The following SETX variants were observed in gnomAD, a reference collection of about 807,000 sequenced individuals.
The protein encoded by SETX is senataxin.
Under a neutral mutation model 227.2 loss-of-function variants are expected in SETX, and 90 were observed. That is an observed-to-expected ratio of 0.40 (90% CI 0.33 to 0.47). The LOEUF is 0.47. SETX is among the 20% of genes least tolerant of loss of function. SETX has a pLI of 0.91. For missense variants in SETX, 3,052 were observed against 3,181.5 expected, an observed-to-expected ratio of 0.96 and a Z score of 0.98; for synonymous variants, 1,210 against 1,113.2, an observed-to-expected ratio of 1.09 and a Z score of -1.73.
chr9:132,352,594 T>C (rs980604411), intron 2 of SETX, among the ~76,000 whole-genome samples: 1 of 152,068 alleles, frequency 6.6e-6, no homozygotes, highest in Admixed American at 6.5e-5. Flanking sequence ...CTACTAAAAA[T>C]ATAAAAATTA....
At chr9:132,323,317 A>G (rs1301342735) in intron 10 of SETX, among the ~76,000 whole-genome samples, 2 of 152,248 alleles carry the variant, frequency 1.3e-5, no homozygotes, top group African/African-American at 4.8e-5. Flanking sequence ...AGTGATAAGT[A>G]GAAAATTAAA....
intron 11 of SETX, among the ~76,000 whole-genome samples, chr9:132,308,538 T>C (rs150315346): frequency 6.6e-4 from 100 of 152,348 alleles, no homozygotes; most frequent in African/African-American, 2.2e-3. Flanking sequence ...TGTTATGAGA[T>C]AACTGAAAAT....
At chr9:132,306,468 T>G (rs1845341693) in intron 11 of SETX, among the ~76,000 whole-genome samples, 1 of 152,166 alleles carries the variant, frequency 6.6e-6, no homozygotes, top group Non-Finnish European at 1.5e-5. Context: ...AGCCTTGGCC[T>G]CCCAAAGTGC....
At position 132,264,212 on chromosome 9, in the gene SETX, G is replaced by A. The variant is rs1232864891; in HGVS notation, c.*27C>T. ...CATCTTCAGTTTACAATATGCTGTG[G>A]CTGCTGGCCCATGTCACTGGGCTTT... On this transcript the variant is annotated 3_prime_UTR_variant, in exon 26 of 26. Coordinates refer to ENST00000224140, the MANE Select transcript of SETX (RefSeq NM_015046.7). The A allele has an allele frequency of 1.9e-6, 3 of 1,613,268 alleles. No homozygotes were observed. The highest frequency in any genetic ancestry group is 2.5e-6 in the Non-Finnish European group (3 of 1,180,000).
At chr9:132,298,509 G>C (rs1457044619) in intron 12 of SETX, among the ~76,000 whole-genome samples, 197 bp from the exon 13 acceptor site, 1 of 152,136 alleles carries the variant, frequency 6.6e-6, no homozygotes, top group Non-Finnish European at 1.5e-5. Flanking sequence ...AGAAGATGGA[G>C]GCAGATAACC....
intron 23 of SETX, 98 bp downstream of exon 23, chr9:132,275,158 C>A: frequency 7.4e-7 from 1 of 1,353,528 alleles, no homozygotes; most frequent in East Asian, 2.3e-5. Context: ...CCAATTTGCA[C>A]AGACCACTCC....
chr9:132,349,746 A>C (rs1848508045), intron 2 of SETX, among the ~76,000 whole-genome samples: 1 of 152,218 alleles, frequency 6.6e-6, no homozygotes, highest in Non-Finnish European at 1.5e-5. Flanking sequence ...AGAGACCCAG[A>C]CTTACCAATA....
intron 23 of SETX, among the ~76,000 whole-genome samples, chr9:132,272,087 G>T (rs1468999914): frequency 6.6e-6 from 1 of 151,834 alleles, no homozygotes. Context: ...TTTCACTGTG[G>T]TCTCCATCTC....
At chr9:132,320,593 CAAAAAAAA>C (rs141457619) in intron 10 of SETX, among the ~76,000 whole-genome samples, 1 of 61,068 alleles carries the variant, frequency 1.6e-5, no homozygotes, top group Non-Finnish European at 2.9e-5. Context: ...GACTCCAACT[CAAAAAAAA>C]AAAAAAAAAA....
chr9:132,331,500 C>A (rs746335116), intron 7 of SETX, 52 bp from the exon 8 acceptor site: 1 of 1,564,646 alleles, frequency 6.4e-7, no homozygotes, highest in Admixed American at 1.7e-5. Flanking sequence ...GAAAAACATA[C>A]TACAATATAT....
chr9:132,316,249 T>C (rs1391480086), intron 10 of SETX, among the ~76,000 whole-genome samples: 1 of 152,240 alleles, frequency 6.6e-6, no homozygotes, highest in Non-Finnish European at 1.5e-5. Flanking sequence ...CATATACTTA[T>C]TACCACCAAG....
At chr9:132,356,602 T>C (rs900456715), upstream of SETX, among the ~76,000 whole-genome samples, 1 of 152,084 alleles carries the variant, frequency 6.6e-6, no homozygotes, top group African/African-American at 2.4e-5. Flanking sequence ...TTAGTAGTGG[T>C]GACTCAGGCG....
In SETX at chr9:132,330,271, C is replaced by T. The variant is rs915069554; in HGVS notation, c.1327G>A (p.Val443Ile). The T allele has an allele frequency of 1.3e-6, 2 of 1,583,770 alleles. No homozygotes were observed. The highest frequency in any genetic ancestry group is 1.4e-5 in the African/African-American group (1 of 74,034). The part of the protein sequence containing the change: ...VNHLYSEVKE[V>I]LNQTDAVCDK... Reference sequence around the variant, plus strand: ...CACACAGCATCTGTTTGGTTGAGGACTTCTTTGACTTCAGAGTACAGATGA... The same window carrying T: ...CACACAGCATCTGTTTGGTTGAGGATTTCTTTGACTTCAGAGTACAGATGA... The change falls in exon 10 of 26, where the codon GTC (valine) becomes ATC (isoleucine). Residue 443 changes from valine to isoleucine, a missense_variant. Coordinates refer to ENST00000224140, the MANE Select transcript of SETX (RefSeq NM_015046.7).
At chr9:132,301,142 G>A (rs1255071551) in intron 11 of SETX, among the ~76,000 whole-genome samples, 2 of 148,304 alleles carry the variant, frequency 1.3e-5, no homozygotes, top group Non-Finnish European at 3.0e-5. Flanking sequence ...GCCCAGGCTG[G>A]AGTGCAGTGG....
chr9:132,283,747 A>G (rs1843671897), intron 18 of SETX, among the ~76,000 whole-genome samples: 1 of 152,242 alleles, frequency 6.6e-6, no homozygotes, highest in African/African-American at 2.4e-5. Context: ...GAGATGTAAT[A>G]ATTCTGAGTT....
intron 21 of SETX, among the ~76,000 whole-genome samples, 170 bp from the exon 22 acceptor site, chr9:132,277,322 ATTTC>A (rs765692300): frequency 1.2e-4 from 18 of 152,268 alleles, no homozygotes; most frequent in Non-Finnish European, 2.1e-4. Context: ...AACAAATTCT[ATTTC>A]TTTCCTGGTG....
chr9:132,330,425 A>G lies in SETX; in HGVS notation c.1173T>C (p.Ser391=), dbSNP rs773176453. The stretch of plus-strand genomic sequence containing the variant: ...CTTGACCAATATCTGACTGAAGTAC[A>G]CTGGCTAATGTTTCCATTTCTTCAT... ...NMYEEMETLA[S]VLQSDIGQDM... is the part of the protein sequence containing the mutation. The change falls in exon 10 of 26, where the codon AGT becomes AGC. Residue 391 remains serine, a synonymous_variant. Coordinates refer to ENST00000224140, the MANE Select transcript of SETX (RefSeq NM_015046.7). The G allele has an allele frequency of 6.2e-6, 10 of 1,614,042 alleles. No homozygotes were observed. The South Asian group carries it at 9.9e-5, about 16-fold the overall frequency.
rs201695580 is a variant in SETX, at chr9:132,264,548, C to G, written c.7725G>C (p.Pro2575=). ...GGTCCTGGTGAACGACAGGGAAGCC[C>G]GGCTCGCCCGTAGGAGGTGTTGCTC... ...HPGATPPTGE[P]GFPVVHQDLS... is the part of the protein sequence containing the mutation. The change falls in exon 26 of 26, where the codon CCG becomes CCC. Residue 2575 remains proline (P), a synonymous_variant. Transcript: ENST00000224140. The G allele has an allele frequency of 1.1e-5, 18 of 1,613,846 alleles. No homozygotes were observed. The highest frequency in any genetic ancestry group is 6.7e-5 in the Admixed American group (4 of 59,984).
chr9:132,303,297 A>G (rs936465166), intron 11 of SETX, among the ~76,000 whole-genome samples: 9 of 151,308 alleles, frequency 5.9e-5, no homozygotes, highest in Non-Finnish European at 7.4e-5. Flanking sequence ...TGCTGAGATT[A>G]CAAGTATGAA....
Sources: allele counts gnomAD v4.1 joint callset (sites outside exome capture counted in the v4.1 genomes callset), GRCh38; gene constraint gnomAD v4.1.1; transcripts MANE v1.5; gene names NCBI Gene and HGNC (gene_info 2026-07-23, HGNC 2026-07-21).